ANKS1B: variants seen among roughly 807,000 people sequenced by gnomAD.
ANKS1B encodes the protein ankyrin repeat and sterile alpha motif domain containing 1B.
In ANKS1B, 36 loss-of-function variants were observed where a neutral mutation model predicts 148.3. The ratio of observed to expected loss-of-function variants is 0.24; its 90% CI spans 0.19 to 0.32. The LOEUF is 0.32. Ranked by LOEUF, ANKS1B falls within the 10% of genes least tolerant of loss-of-function variation. ANKS1B has a pLI of 1.00. For missense variants in ANKS1B, 1,157 were observed against 1,542.6 expected, an observed-to-expected ratio of 0.75 and a Z score of 4.19; for synonymous variants, 542 against 560.8, an observed-to-expected ratio of 0.97 and a Z score of 0.47.
chr12:99,833,851 A>G (rs2084406277), intron 1 of ANKS1B, among the ~76,000 whole-genome samples: 2 of 152,194 alleles, frequency 1.3e-5, no homozygotes, highest in South Asian at 4.1e-4. Flanking sequence ...AAAATTAATT[A>G]TAATACACAC....
At chr12:99,300,177 A>G (rs991677766) in intron 12 of ANKS1B, among the ~76,000 whole-genome samples, 4 of 152,194 alleles carry the variant, frequency 2.6e-5, no homozygotes, top group African/African-American at 7.2e-5. Flanking sequence ...TAAAATTGGA[A>G]ATCTAATCAA....
intron 12 of ANKS1B, among the ~76,000 whole-genome samples, chr12:99,306,296 C>T (rs2082329843): frequency 6.6e-6 from 1 of 152,076 alleles, no homozygotes; most frequent in Non-Finnish European, 1.5e-5. Context: ...AAGCATTCAG[C>T]CATTCCTGGG....
intron 26 of ANKS1B, among the ~76,000 whole-genome samples, chr12:98,747,575 A>G (rs554240105): frequency 6.6e-6 from 1 of 152,322 alleles, no homozygotes; most frequent in South Asian, 2.1e-4. Context: ...AAATTGAGCT[A>G]CCATATGTTC....
intron 26 of ANKS1B, among the ~76,000 whole-genome samples, chr12:98,747,121 C>T (rs1376714751): frequency 3.3e-5 from 5 of 151,962 alleles, no homozygotes; most frequent in African/African-American, 7.3e-5. Flanking sequence ...ATCAACAAAG[C>T]GAAAAGACAA....
chr12:99,870,314 G>A (rs976692881), intron 1 of ANKS1B, among the ~76,000 whole-genome samples: 19 of 152,186 alleles, frequency 1.2e-4, no homozygotes, highest in African/African-American at 3.1e-4. Flanking sequence ...CTGTATATAC[G>A]TATATTTTCT....
chr12:99,455,320 G>A (rs888763557), intron 10 of ANKS1B, among the ~76,000 whole-genome samples: 3 of 152,140 alleles, frequency 2.0e-5, no homozygotes, highest in Admixed American at 1.3e-4. Flanking sequence ...GTGGATAGGA[G>A]GCAGGACTAA....
intron 12 of ANKS1B, among the ~76,000 whole-genome samples, chr12:99,265,005 G>C (rs2076298483): frequency 6.6e-6 from 1 of 152,136 alleles, no homozygotes; most frequent in South Asian, 2.1e-4. Context: ...CTATATCTGT[G>C]CTGGCCAATA....
rs149844989 is a variant in ANKS1B, at chr12:99,515,240, T to C, written c.1273-10599A>G. 3.5e-3 allele frequency among the ~76,000 whole-genome samples: 529 copies of C among 152,182 alleles called. 6 individuals carry two copies. Among genetic ancestry groups the C allele is most frequent in the African/African-American group, 0.011 (444 of 41,554 alleles). On this transcript the variant is annotated intron_variant, in intron 9 of 26. Coordinates refer to ENST00000683438, the MANE Select transcript of ANKS1B (RefSeq NM_001352186.2). ...ATTGTTATTGACTATAGCGCCCCTGTTGTGATATCAAATACTCCATTTTAT... is the reference window on the plus strand; with the variant it reads ...ATTGTTATTGACTATAGCGCCCCTGCTGTGATATCAAATACTCCATTTTAT...
rs10985 is a variant in ANKS1B at position 98,745,579 on chromosome 12, G to T, written c.*160C>A. ...GCGTTTTCCATCACTGGTGCAGAAA[G>T]AACTTCCCCAGGAATGGCCAGTGGC... is the stretch of plus-strand genomic sequence containing the variant. On this transcript the variant is annotated 3_prime_UTR_variant, in exon 27 of 27. Transcript: ENST00000683438. 1.4e-6 allele frequency: 2 copies of T among 1,398,712 alleles called. No individual in the cohort carries two copies. Among genetic ancestry groups the T allele is most frequent in the African/African-American group, 3.0e-5 (2 of 67,016 alleles). The allele number at this position is 1,398,712 out of a possible 1,614,324, so 86.6% of individuals were successfully genotyped here. A position where few individuals can be genotyped will look rare whatever the true frequency, so the allele number is the denominator to read the frequency against.
intron 15 of ANKS1B, among the ~76,000 whole-genome samples, chr12:99,095,027 G>A (rs1397404727): frequency 3.7e-4 from 6 of 16,050 alleles, no homozygotes; most frequent in Non-Finnish European, 5.6e-4. Context: ...GGGTCTCACT[G>A]GGGGGGGGGT....
chr12:98,805,313 T>TTC, intron 20 of ANKS1B, among the ~76,000 whole-genome samples: 1 of 151,986 alleles, frequency 6.6e-6, no homozygotes, highest in South Asian at 2.1e-4. Flanking sequence ...AGGCCTTTTT[T>TTC]TTTATTAAGC....
chr12:99,426,306 C>T (rs949860978), intron 11 of ANKS1B, among the ~76,000 whole-genome samples: 19 of 151,714 alleles, frequency 1.3e-4, no homozygotes, highest in African/African-American at 3.9e-4. Flanking sequence ...TGTAGATATC[C>T]GTTTGTGTTG....
chr12:99,597,031 C>T (rs1290933181), intron 9 of ANKS1B, among the ~76,000 whole-genome samples: 1 of 151,852 alleles, frequency 6.6e-6, no homozygotes, highest in Non-Finnish European at 1.5e-5. Context: ...AATGACTATG[C>T]AATTTTATAT....
chr12:99,407,560 G>A (rs920542686), intron 11 of ANKS1B, among the ~76,000 whole-genome samples: 2 of 145,444 alleles, frequency 1.4e-5, no homozygotes, highest in East Asian at 1.9e-4. Context: ...AAGTTGAAAA[G>A]GAAGAATTTG....
chr12:99,020,598 T>A (rs2099945205), intron 17 of ANKS1B, among the ~76,000 whole-genome samples: 1 of 152,180 alleles, frequency 6.6e-6, no homozygotes. Context: ...TAGCCAATGA[T>A]TAAAATGTGC....
intron 14 of ANKS1B, among the ~76,000 whole-genome samples, chr12:99,194,070 G>A (rs1250105235): frequency 6.6e-6 from 1 of 151,878 alleles, no homozygotes; most frequent in Non-Finnish European, 1.5e-5. Context: ...AAAGTGCTGG[G>A]ATTACAGGCA....
At chr12:99,088,707 T>A (rs895608632) in intron 15 of ANKS1B, among the ~76,000 whole-genome samples, 3 of 152,148 alleles carry the variant, frequency 2.0e-5, no homozygotes, top group Non-Finnish European at 4.4e-5. Flanking sequence ...ATCTAACCAT[T>A]TCTTTGGCAC....
intron 1 of ANKS1B, among the ~76,000 whole-genome samples, chr12:99,944,552 G>T (rs1474134242): frequency 6.6e-6 from 1 of 152,138 alleles, no homozygotes; most frequent in Non-Finnish European, 1.5e-5. Flanking sequence ...ACCTACATGT[G>T]TGGGGGAAAT....
chr12:99,154,539 T>G, intron 14 of ANKS1B, 144 bp from the exon 15 acceptor site: 1 of 1,588,676 alleles, frequency 6.3e-7, no homozygotes, highest in Non-Finnish European at 8.6e-7. Context: ...CTTGACAGAT[T>G]AATGTTCTCA....
Sources: allele counts gnomAD v4.1 joint callset (sites outside exome capture counted in the v4.1 genomes callset), GRCh38; gene constraint gnomAD v4.1.1; transcripts MANE v1.5; gene names NCBI Gene and HGNC (gene_info 2026-07-23, HGNC 2026-07-21).